EPB41L2: variants seen among roughly 807,000 people sequenced by gnomAD.
EPB41L2 encodes the protein erythrocyte membrane protein band 4.1 like 2, also known as band 4.1-like protein 2.
A neutral mutation model predicts 113.0 loss-of-function variants in EPB41L2; 43 were observed. That is an observed-to-expected ratio of 0.38 (90% CI 0.30 to 0.49). The LOEUF (loss-of-function observed/expected upper bound fraction) is 0.49, where lower values mean the gene tolerates loss of function less well. Among genes scored for constraint, EPB41L2 ranks in the 20% least tolerant of loss-of-function variants. The pLI, the probability that EPB41L2 is intolerant of heterozygous loss-of-function variation, is 0.95. For missense variants in EPB41L2, 1,147 were observed against 1,223.4 expected, an observed-to-expected ratio of 0.94 and a Z score of 0.93; for synonymous variants, 442 against 436.7, an observed-to-expected ratio of 1.01 and a Z score of -0.15.
At chr6:130,977,409 C>T (rs1336350445) in intron 1 of EPB41L2, among the ~76,000 whole-genome samples, 3 of 152,064 alleles carry the variant, frequency 2.0e-5, no homozygotes, top group Admixed American at 2.0e-4. Context: ...CAGATTCTTA[C>T]TAATAATCTC....
At chr6:130,841,391 T>C (rs1044337176) in intron 19 of EPB41L2, among the ~76,000 whole-genome samples, 12 of 152,058 alleles carry the variant, frequency 7.9e-5, no homozygotes, top group African/African-American at 2.9e-4. Context: ...GAAAGGAGGT[T>C]GGGATCGTTT....
intron 1 of EPB41L2, among the ~76,000 whole-genome samples, chr6:130,967,097 T>C (rs1332946415): frequency 6.6e-6 from 1 of 152,090 alleles, no homozygotes; most frequent in African/African-American, 2.4e-5. Context: ...AATACAGTTG[T>C]CCCTCAGTAT....
chr6:130,956,425 C>A lies in EPB41L2; in HGVS notation c.61G>T (p.Asp21Tyr). Residue 21 changes from aspartate to tyrosine, a missense_variant, in exon 2 of 20, where the codon GAT (aspartate) becomes TAT (tyrosine). Coordinates refer to ENST00000337057, the MANE Select transcript of EPB41L2 (RefSeq NM_001431.4). ...VKKDSSQLGT[D>Y]ATKEKPKEVA... ...TCTTTAGGTTTTTCCTTGGTTGCAT[C>A]TGTTCCTAACTGGCTAGAGTCCTTC... 1 of 1,614,098 alleles carries A rather than the reference C, an allele frequency of 6.2e-7. No homozygotes were observed. Among genetic ancestry groups the A allele is most frequent in the Non-Finnish European group, 8.5e-7 (1 of 1,180,036 alleles).
chr6:131,033,488 C>T (rs1343335860), intron 1 of EPB41L2, among the ~76,000 whole-genome samples: 1 of 152,092 alleles, frequency 6.6e-6, no homozygotes, highest in Non-Finnish European at 1.5e-5. Flanking sequence ...GATATTTGTG[C>T]ACCAATGTTC....
At chr6:131,041,411 A>C (rs1794439716) in intron 1 of EPB41L2, among the ~76,000 whole-genome samples, 1 of 152,218 alleles carries the variant, frequency 6.6e-6, no homozygotes, top group Non-Finnish European at 1.5e-5. Context: ...TGATGGATGG[A>C]TCAGTCCAGC....
At chr6:130,964,268 C>A (rs1278168239) in intron 1 of EPB41L2, among the ~76,000 whole-genome samples, 1 of 151,652 alleles carries the variant, frequency 6.6e-6, no homozygotes, top group South Asian at 2.1e-4. Flanking sequence ...GTGATCCACC[C>A]GCCTCAGTCT....
chr6:130,960,752 C>T (rs80159796), intron 1 of EPB41L2, among the ~76,000 whole-genome samples: 281 of 152,304 alleles, frequency 1.8e-3, no homozygotes, highest in African/African-American at 6.2e-3. Flanking sequence ...GATTACAGTA[C>T]ATCCACTCAC....
intron 5 of EPB41L2, among the ~76,000 whole-genome samples, chr6:130,905,475 G>A (rs4897474): frequency 0.41 from 62,290 of 150,434 alleles, 15,268 homozygotes; most frequent in South Asian, 0.54. Context: ...TTGCAGTGCC[G>A]TGGCATGATC....
chr6:130,974,763 A>C (rs1360952421), intron 1 of EPB41L2, among the ~76,000 whole-genome samples: 2 of 102,636 alleles, frequency 1.9e-5, no homozygotes, highest in African/African-American at 3.9e-5. Flanking sequence ...TCTTGCTCTG[A>C]CTCCCAGGCT....
chr6:130,847,971 T>C (rs1464613602), intron 19 of EPB41L2, among the ~76,000 whole-genome samples: 2 of 152,166 alleles, frequency 1.3e-5, no homozygotes, highest in African/African-American at 4.8e-5. Context: ...CATTTCTCTG[T>C]AGCATCAAAT....
chr6:131,034,588 G>C (rs1792921516), intron 1 of EPB41L2, among the ~76,000 whole-genome samples: 1 of 152,128 alleles, frequency 6.6e-6, no homozygotes. Flanking sequence ...TCATACAACT[G>C]GTTATAACAA....
At chr6:131,023,301 T>C (rs1789947117) in intron 1 of EPB41L2, among the ~76,000 whole-genome samples, 1 of 151,664 alleles carries the variant, frequency 6.6e-6, no homozygotes, top group Non-Finnish European at 1.5e-5. Flanking sequence ...ATTTATTTCC[T>C]ATTATTTCTT....
In EPB41L2 at chr6:130,914,638, A is replaced by G. The variant is rs551523632; in HGVS notation, c.811-5775T>C. Among the ~76,000 whole-genome samples, 3 of 152,316 alleles carry G rather than the reference A, an allele frequency of 2.0e-5. No homozygotes were observed. The East Asian group carries it at 5.8e-4, about 29-fold the overall frequency. Reference sequence around the variant, plus strand: ...CTCAGGAAAGTGACAGCTTCAGGCAATTCAAGATCAGGCAAGACAGGGATC... The same window carrying G: ...CTCAGGAAAGTGACAGCTTCAGGCAGTTCAAGATCAGGCAAGACAGGGATC... On this transcript the variant is annotated intron_variant, in intron 4 of 19. Coordinates refer to ENST00000337057, the MANE Select transcript of EPB41L2 (RefSeq NM_001431.4).
chr6:131,022,715 A>C (rs926471281), intron 1 of EPB41L2, among the ~76,000 whole-genome samples: 3 of 152,222 alleles, frequency 2.0e-5, no homozygotes, highest in Admixed American at 2.0e-4. Context: ...TATCATAAAA[A>C]CAGTGTCATC....
intron 9 of EPB41L2, among the ~76,000 whole-genome samples, 189 bp downstream of exon 9, chr6:130,894,778 G>A (rs1482424273): frequency 1.3e-5 from 2 of 152,114 alleles, no homozygotes; most frequent in Non-Finnish European, 2.9e-5. Context: ...AAGCGTGATG[G>A]TTGCTTTTTT....
At chr6:130,908,424 T>C (rs1277583866) in intron 5 of EPB41L2, among the ~76,000 whole-genome samples, 1 of 152,212 alleles carries the variant, frequency 6.6e-6, no homozygotes, top group Non-Finnish European at 1.5e-5. Flanking sequence ...TCTCTATGTC[T>C]CTGTGGCCAA....
intron 1 of EPB41L2, among the ~76,000 whole-genome samples, chr6:131,054,622 G>C (rs1584813417): frequency 6.6e-6 from 1 of 152,180 alleles, no homozygotes; most frequent in African/African-American, 2.4e-5. Context: ...CGCCACTTGT[G>C]GCACATTGCC....
chr6:131,018,506 T>C (rs772014310), intron 1 of EPB41L2, among the ~76,000 whole-genome samples: 6 of 152,172 alleles, frequency 3.9e-5, no homozygotes, highest in Non-Finnish European at 7.4e-5. Context: ...ATGTGAACCT[T>C]TTCTTTTCAC....
chr6:130,921,230 T>G (rs909874578), intron 4 of EPB41L2, among the ~76,000 whole-genome samples: 1 of 152,154 alleles, frequency 6.6e-6, no homozygotes, highest in Admixed American at 6.5e-5. Context: ...CTCCACACCA[T>G]CAACAGGTTC....
Sources: gnomAD v4.1 joint callset for allele counts (sites outside exome capture counted in the v4.1 genomes callset) on GRCh38, gnomAD v4.1.1 for gene constraint, MANE v1.5 for transcripts, NCBI Gene and HGNC (gene_info 2026-07-23, HGNC 2026-07-21) for gene names.